NDE1: variants seen among roughly 807,000 people sequenced by gnomAD.
NDE1 encodes the protein nudE neurodevelopment protein 1, also known as nuclear distribution protein nudE homolog 1.
A neutral mutation model predicts 43.4 loss-of-function variants in NDE1; 28 were observed. The observed-to-expected ratio is 0.65, with a 90% confidence interval of 0.48 to 0.89. The LOEUF (loss-of-function observed/expected upper bound fraction) is 0.89. Ranked by LOEUF, NDE1 falls within the 40% of genes least tolerant of loss-of-function variation. The probability of loss-of-function intolerance (pLI) is 0.00; values close to 1 mark genes in which losing one functional copy is unlikely to be tolerated. For missense variants in NDE1, 441 were observed against 434.1 expected (o/e 1.02, Z -0.14); for synonymous variants, 184 against 172.0 (o/e 1.07, Z -0.55).
intron 7 of NDE1, 37 bp downstream of exon 7, chr16:15,694,293 G>T: frequency 6.2e-7 from 1 of 1,605,994 alleles, no homozygotes; most frequent in Non-Finnish European, 8.5e-7. Context: ...GTGCCTTCCT[G>T]CCTGTCTTTC....
rs769405245 is a variant in NDE1 at position 15,677,794 on chromosome 16, C to T, written c.238-7C>T. 1.2e-6 allele frequency: 2 copies of T among 1,614,070 alleles called. No individual in the cohort carries two copies. The highest frequency in any genetic ancestry group is 1.7e-6 in the Non-Finnish European group (2 of 1,180,008). ...GTCATTCACTCAGTGTCTGTGTTGTCCTTCAGGAGAAGTTTGAAGTGCAGC... is the reference window on the plus strand; with the variant it reads ...GTCATTCACTCAGTGTCTGTGTTGTTCTTCAGGAGAAGTTTGAAGTGCAGC... On this transcript the variant is annotated splice_polypyrimidine_tract_variant and splice_region_variant and intron_variant, in intron 3 of 8. Coordinates refer to ENST00000396354, the MANE Select transcript of NDE1 (RefSeq NM_017668.3).
chr16:15,723,493 A>G (rs1312906794), intron 8 of NDE1, among the ~76,000 whole-genome samples: 1 of 152,044 alleles, frequency 6.6e-6, no homozygotes, highest in Non-Finnish European at 1.5e-5. Flanking sequence ...CTAAAAATAC[A>G]AAAATTAGCC....
intron 8 of NDE1, chr16:15,721,308 C>T: frequency 7.9e-7 from 1 of 1,262,122 alleles, no homozygotes; most frequent in Non-Finnish European, 1.1e-6. Context: ...CCTTCCATTT[C>T]CGATGATAGT....
At chr16:15,662,483 C>T (rs2037097343) in intron 1 of NDE1, among the ~76,000 whole-genome samples, 1 of 151,432 alleles carries the variant, frequency 6.6e-6, no homozygotes, top group Admixed American at 6.6e-5. Context: ...CAGGGTTTCA[C>T]CGTGTTAGAC....
chr16:15,669,735 TC>T (rs2037497052), intron 3 of NDE1, among the ~76,000 whole-genome samples: 1 of 152,092 alleles, frequency 6.6e-6, no homozygotes, highest in South Asian at 2.1e-4. Flanking sequence ...GCTCAGGTGA[TC>T]CGCCCGCCTC....
chr16:15,702,206 C>T (rs1474704888), intron 8 of NDE1: 1 of 152,180 alleles, frequency 6.6e-6, no homozygotes, highest in Non-Finnish European at 1.5e-5. Context: ...TTGTGTTGAA[C>T]AGAGCCTTTG....
chr16:15,657,413 G>T (rs1319091283), intron 1 of NDE1, among the ~76,000 whole-genome samples: 1 of 151,868 alleles, frequency 6.6e-6, no homozygotes, highest in Admixed American at 6.6e-5. Context: ...ATATCTTAAT[G>T]GCCACACAGT....
chr16:15,661,076 T>C (rs1043979265), intron 1 of NDE1, among the ~76,000 whole-genome samples: 5 of 152,158 alleles, frequency 3.3e-5, no homozygotes, highest in Non-Finnish European at 7.3e-5. Context: ...TGGTGTGTCA[T>C]GGACATGTCA....
chr16:15,654,768 G>C (rs2036679234), intron 1 of NDE1, among the ~76,000 whole-genome samples: 2 of 148,348 alleles, frequency 1.3e-5, no homozygotes, highest in Non-Finnish European at 3.0e-5. Context: ...TGCACATTTA[G>C]AGATGGCCAA....
chr16:15,685,722 T>G (rs866130166), intron 4 of NDE1, among the ~76,000 whole-genome samples: 6 of 152,228 alleles, frequency 3.9e-5, no homozygotes, highest in Middle Eastern at 3.4e-3. Context: ...TTGAAGGAAC[T>G]GAGGATGAAG....
intron 8 of NDE1, chr16:15,720,775 AGT>A (rs1457786806): frequency 7.4e-6 from 11 of 1,495,406 alleles, no homozygotes; most frequent in Non-Finnish European, 1.0e-5. Flanking sequence ...CAACCATGAG[AGT>A]GGTGATAGGA....
intron 8 of NDE1, chr16:15,699,500 AAG>A: frequency 8.9e-7 from 1 of 1,123,780 alleles, no homozygotes; most frequent in Non-Finnish European, 1.1e-6. Context: ...AACAATAGGT[AAG>A]AGATGGATTT....
At chr16:15,683,773 T>G (rs1413192023) in intron 4 of NDE1, among the ~76,000 whole-genome samples, 1 of 152,218 alleles carries the variant, frequency 6.6e-6, no homozygotes, top group Non-Finnish European at 1.5e-5. Context: ...ATCTGTCATC[T>G]TAGTACTTGG....
intron 8 of NDE1, chr16:15,718,674 C>A: frequency 1.7e-6 from 1 of 596,580 alleles, no homozygotes; most frequent in Admixed American, 3.0e-5. Flanking sequence ...ACACTCCTCC[C>A]TGACTCTTCC....
chr16:15,703,420 T>C (rs1213860552), intron 8 of NDE1: 1 of 238,880 alleles, frequency 4.2e-6, no homozygotes, highest in Non-Finnish European at 8.3e-6. Context: ...CCATTTCATG[T>C]AAACAGAATT....
chr16:15,717,426 C>A, intron 8 of NDE1: 1 of 1,483,240 alleles, frequency 6.7e-7, no homozygotes, highest in South Asian at 1.1e-5. Flanking sequence ...CTCTTCCTGC[C>A]TTGTTTGGCC....
intron 1 of NDE1, among the ~76,000 whole-genome samples, chr16:15,644,331 CACATCCCTGTAA>C (rs1394895209): frequency 2.0e-5 from 3 of 152,208 alleles, no homozygotes; most frequent in African/African-American, 4.8e-5. Context: ...TGGGGATTAA[CACATCCCTGTAA>C]ACATCCCTGT....
At chr16:15,680,055 G>C (rs1164619965) in intron 4 of NDE1, among the ~76,000 whole-genome samples, 1 of 152,062 alleles carries the variant, frequency 6.6e-6, no homozygotes. Flanking sequence ...CTGGGATTAC[G>C]GGCTTGAGCC....
intron 8 of NDE1, chr16:15,717,832 C>CAG (rs2151199853): frequency 3.8e-6 from 1 of 264,024 alleles, no homozygotes; most frequent in South Asian, 4.7e-5. Flanking sequence ...CAGTGCCACC[C>CAG]AGGCTGAGCG....
Sources: allele counts gnomAD v4.1 joint callset (sites outside exome capture counted in the v4.1 genomes callset), GRCh38; gene constraint gnomAD v4.1.1; transcripts MANE v1.5; gene names NCBI Gene and HGNC (gene_info 2026-07-23, HGNC 2026-07-21).